Variants in QTGAL observed in about 807,000 individuals in gnomAD.
QTGAL encodes the protein BGnT-like protein 1.
chr17:83,048,686 A>G, the QTGAL span: 1 of 1,613,926 alleles, frequency 6.2e-7, no homozygotes, highest in Non-Finnish European at 8.5e-7. Flanking sequence ...GCATCATTGA[A>G]AACAGACAGC....
At chr17:83,006,120 C>T in the QTGAL span, 7,469 of 988,880 alleles carry the variant, frequency 7.6e-3, 32 homozygotes, top group Non-Finnish European at 8.5e-3. This position sits in a 1 kb window ranked among gnomAD's most constrained non-coding sequence, Gnocchi z 5.8. Context: ...GTCACAAGTC[C>T]CAGCGGACGC....
At chr17:82,970,037 T>A in the QTGAL span, among the ~76,000 whole-genome samples, 8 of 152,162 alleles carry the variant, frequency 5.3e-5, no homozygotes, top group Non-Finnish European at 1.0e-4. Flanking sequence ...ACGAACATTT[T>A]AAAGTGAAAT....
At chr17:83,049,648 G>A in the QTGAL span, among the ~76,000 whole-genome samples, 2 of 152,028 alleles carry the variant, frequency 1.3e-5, no homozygotes, top group Non-Finnish European at 2.9e-5. Context: ...TAACCCCTCA[G>A]CCCACAAAAA....
At chr17:83,050,622 G>T in the QTGAL span, among the ~76,000 whole-genome samples, 5 of 152,218 alleles carry the variant, frequency 3.3e-5, no homozygotes, top group Non-Finnish European at 7.3e-5. Flanking sequence ...GCCTTTGGGC[G>T]ACTGCTAATC....
the QTGAL span, among the ~76,000 whole-genome samples, chr17:83,042,506 C>A: frequency 2.0e-5 from 3 of 152,180 alleles, no homozygotes; most frequent in Non-Finnish European, 1.5e-5. Context: ...AAGATGTTCA[C>A]CGTAATCCTC....
At chr17:83,023,712 TGTTA>T in the QTGAL span, among the ~76,000 whole-genome samples, 1 of 152,200 alleles carries the variant, frequency 6.6e-6, no homozygotes. Flanking sequence ...GTCCCCTTTC[TGTTA>T]AACGCATGCT....
At chr17:82,970,299 A>G in the QTGAL span, among the ~76,000 whole-genome samples, 1 of 152,246 alleles carries the variant, frequency 6.6e-6, no homozygotes, top group Non-Finnish European at 1.5e-5. Context: ...AGTTTCCAGC[A>G]AATGTGAAAC....
the QTGAL span, chr17:82,956,638 C>T: frequency 6.8e-6 from 10 of 1,480,176 alleles, no homozygotes; most frequent in Non-Finnish European, 9.1e-6. The surrounding 1 kb of genome is among the most constrained non-coding windows in gnomAD (Gnocchi z 5.7). Flanking sequence ...GCGGGTTGTC[C>T]AGGTGGCAGA....
the QTGAL span, chr17:82,947,248 C>G: frequency 2.1e-6 from 1 of 480,538 alleles, no homozygotes; most frequent in East Asian, 3.3e-5. Context: ...GTGGCTGACT[C>G]TCCCTGGGGG....
chr17:82,970,520 C>CCACCCAGCATGGACATGACCTCCG, the QTGAL span, among the ~76,000 whole-genome samples: 254 of 97,376 alleles, frequency 2.6e-3, 20 homozygotes, highest in African/African-American at 8.9e-3. Flanking sequence ...CAGGTCCTCC[C>CCACCCAGCATGGACATGACCTCCG]CACCCAGCGT....
chr17:83,014,185 G>A, the QTGAL span, among the ~76,000 whole-genome samples: 3 of 152,116 alleles, frequency 2.0e-5, no homozygotes, highest in East Asian at 1.9e-4. Context: ...TGTCTAAGGC[G>A]CTCAGCTTCT....
At chr17:83,035,086 T>C in the QTGAL span, 34 of 1,612,842 alleles carry the variant, frequency 2.1e-5, no homozygotes, top group Admixed American at 1.0e-4. Context: ...CTGCTTGATT[T>C]TTAGCGTATC....
chr17:82,984,375 C>T, the QTGAL span, among the ~76,000 whole-genome samples: 2 of 143,206 alleles, frequency 1.4e-5, no homozygotes, highest in Non-Finnish European at 3.0e-5. Flanking sequence ...GGAGAGGCCA[C>T]GTGATTATGC....
chr17:82,971,370 C>A, the QTGAL span, among the ~76,000 whole-genome samples: 1 of 152,304 alleles, frequency 6.6e-6, no homozygotes, highest in East Asian at 1.9e-4. Context: ...CAGCACAGAG[C>A]ACTAGGGGCT....
the QTGAL span, chr17:82,944,830 G>A: frequency 1.3e-5 from 2 of 152,334 alleles, no homozygotes; most frequent in South Asian, 4.1e-4. Flanking sequence ...GAATGGATGA[G>A]AGAATTTAAG....
chr17:82,955,278 A>ATTT, the QTGAL span, among the ~76,000 whole-genome samples: 5 of 152,186 alleles, frequency 3.3e-5, no homozygotes, highest in Non-Finnish European at 5.9e-5. Context: ...TTACAAGAAA[A>ATTT]AACCTCATCA....
chr17:83,050,318 C>T, the QTGAL span, among the ~76,000 whole-genome samples: 5 of 151,912 alleles, frequency 3.3e-5, no homozygotes, highest in Non-Finnish European at 5.9e-5. Flanking sequence ...TGCGGTGAGC[C>T]GAGCTCGCGC....
the QTGAL span, among the ~76,000 whole-genome samples, chr17:83,042,123 T>C: frequency 1.3e-5 from 2 of 152,204 alleles, no homozygotes; most frequent in African/African-American, 4.8e-5. Context: ...TCCCCACACT[T>C]TGGGAGGCCA....
the QTGAL span, among the ~76,000 whole-genome samples, chr17:83,018,429 C>A: frequency 1.3e-5 from 2 of 152,200 alleles, no homozygotes; most frequent in African/African-American, 2.4e-5. Flanking sequence ...ATCTTTAATT[C>A]ACTTCACCAT....
Sources: gnomAD v4.1 joint callset for allele counts (sites outside exome capture counted in the v4.1 genomes callset) on GRCh38, gnomAD v4.1.1 for gene constraint, Gnocchi (gnomAD v3.1) non-coding constraint, MANE v1.5 for transcripts, NCBI Gene and HGNC (gene_info 2026-07-23, HGNC 2026-07-21) for gene names.